ERBB4: variants seen among roughly 807,000 people sequenced by gnomAD.
ERBB4 encodes receptor tyrosine-protein kinase erbB-4.
A neutral mutation model predicts 158.0 loss-of-function variants in ERBB4; 42 were observed. The ratio of observed to expected loss-of-function variants is 0.27; its 90% CI spans 0.21 to 0.34. The LOEUF (loss-of-function observed/expected upper bound fraction) is 0.34, where lower values mean the gene tolerates loss of function less well. ERBB4 is among the 10% of genes least tolerant of loss of function. ERBB4 has a pLI of 1.00. For missense variants in ERBB4, 1,333 were observed against 1,624.1 expected (o/e 0.82, Z 3.08); for synonymous variants, 583 against 558.7 (o/e 1.04, Z -0.61).
chr2:212,370,692 C>T (rs2106382705), intron 1 of ERBB4, among the ~76,000 whole-genome samples: 2 of 152,210 alleles, frequency 1.3e-5, no homozygotes, highest in South Asian at 4.1e-4. Context: ...CCAAGTCTTA[C>T]TACTATTTTA....
intron 4 of ERBB4, among the ~76,000 whole-genome samples, chr2:211,751,830 A>C (rs1045830742): frequency 1.3e-5 from 2 of 152,198 alleles, no homozygotes; most frequent in African/African-American, 4.8e-5. Flanking sequence ...ATGCAGATTC[A>C]AAAGACACTT....
chr2:212,058,463 C>G (rs923042500), intron 2 of ERBB4, among the ~76,000 whole-genome samples: 2 of 152,072 alleles, frequency 1.3e-5, no homozygotes, highest in Non-Finnish European at 2.9e-5. Flanking sequence ...ATCCTGATAC[C>G]AAAGCCTGAT....
intron 2 of ERBB4, among the ~76,000 whole-genome samples, chr2:211,982,604 C>G (rs765919413): frequency 6.6e-6 from 1 of 152,088 alleles, no homozygotes; most frequent in Non-Finnish European, 1.5e-5. Context: ...AGACTTTGGA[C>G]AAAAGGAATA....
chr2:212,105,754 G>A (rs886338849), intron 2 of ERBB4, among the ~76,000 whole-genome samples: 7 of 152,124 alleles, frequency 4.6e-5, no homozygotes, highest in South Asian at 2.1e-4. Context: ...ATCTTGAATC[G>A]TAGCTCTCAC....
chr2:211,451,236 T>C (rs977708656), intron 20 of ERBB4, among the ~76,000 whole-genome samples: 2 of 152,166 alleles, frequency 1.3e-5, no homozygotes, highest in African/African-American at 4.8e-5. Context: ...TAGAATGGCA[T>C]TGTAAGAAGA....
chr2:212,509,261 A>G (rs1473018298), intron 1 of ERBB4, among the ~76,000 whole-genome samples: 1 of 152,088 alleles, frequency 6.6e-6, no homozygotes, highest in Non-Finnish European at 1.5e-5. Context: ...TGTGAGAGTA[A>G]ATGAGATTCG....
intron 1 of ERBB4, among the ~76,000 whole-genome samples, chr2:212,287,499 CAA>C (rs1195899555): frequency 6.6e-6 from 1 of 152,022 alleles, no homozygotes; most frequent in Admixed American, 6.6e-5. Context: ...GAATCTGCTC[CAA>C]AAGATTCTTG....
chr2:212,066,225 A>C (rs1374891055), intron 2 of ERBB4, among the ~76,000 whole-genome samples: 2 of 151,986 alleles, frequency 1.3e-5, no homozygotes, highest in Non-Finnish European at 2.9e-5. Context: ...ACTCCTCAAA[A>C]ATAATATAAA....
In ERBB4 at chr2:211,945,460, C is replaced by A. The variant is rs545704758; in HGVS notation, c.421+1970G>T. Among the ~76,000 whole-genome samples the A allele has an allele frequency of 1.1e-3, 170 of 152,006 alleles. 1 individual carries two copies. Among genetic ancestry groups the A allele is most frequent in the African/African-American group, 3.5e-3 (144 of 41,524 alleles). ...TGTTGCACTTTCTTCAATTCATACT[C>A]AAAAAAATTAATAACTTTTGAATGA... On this transcript the variant is annotated intron_variant, in intron 3 of 27. Coordinates refer to ENST00000342788, the MANE Select transcript of ERBB4 (RefSeq NM_005235.3).
chr2:211,912,394 A>C (rs2125057790), intron 3 of ERBB4, among the ~76,000 whole-genome samples: 1 of 152,018 alleles, frequency 6.6e-6, no homozygotes, highest in South Asian at 2.1e-4. Flanking sequence ...TCATCAAAAA[A>C]TTTAAGCATT....
intron 1 of ERBB4, among the ~76,000 whole-genome samples, chr2:212,480,638 A>G (rs1447832567): frequency 6.6e-6 from 1 of 152,198 alleles, no homozygotes; most frequent in Non-Finnish European, 1.5e-5. Flanking sequence ...GCTTGTGCCA[A>G]TAGCAGGGAG....
rs184498673 is a variant in ERBB4, at chr2:211,433,330, C to T, written c.2488-2230G>A. ...GGCGCGGTGGCTCACGCCTGTAATA[C>T]TGGCACTTTGGGAGGCCGAGGTGGG... On this transcript the variant is annotated intron_variant, in intron 20 of 27. Coordinates refer to ENST00000342788, the MANE Select transcript of ERBB4 (RefSeq NM_005235.3). Among the ~76,000 whole-genome samples, 112 of 152,234 alleles carry T rather than the reference C, an allele frequency of 7.4e-4. 2 individuals carry two copies. The highest frequency in any genetic ancestry group is 1.4e-3 in the Non-Finnish European group (92 of 68,002).
At chr2:211,602,335 A>G (rs573340195) in intron 19 of ERBB4, among the ~76,000 whole-genome samples, 69 of 152,106 alleles carry the variant, frequency 4.5e-4, no homozygotes, top group African/African-American at 1.6e-3. Context: ...GCAAGCCCTC[A>G]CACCATCTGC....
intron 20 of ERBB4, among the ~76,000 whole-genome samples, chr2:211,463,238 A>G (rs1488398112): frequency 6.6e-6 from 1 of 152,084 alleles, no homozygotes; most frequent in African/African-American, 2.4e-5. Context: ...CAAAAAGCGG[A>G]GCTATAGTTT....
intron 1 of ERBB4, among the ~76,000 whole-genome samples, chr2:212,241,978 G>GA (rs1274157486): frequency 8.0e-5 from 11 of 136,792 alleles, no homozygotes; most frequent in Non-Finnish European, 1.5e-4. Context: ...TTTGATGAAT[G>GA]AAAAAAAATT....
At chr2:211,785,329 C>T (rs1301006404) in intron 4 of ERBB4, among the ~76,000 whole-genome samples, 1 of 152,144 alleles carries the variant, frequency 6.6e-6, no homozygotes, top group Non-Finnish European at 1.5e-5. Context: ...TCTCGCTCTC[C>T]TGATCGCGTG....
intron 20 of ERBB4, among the ~76,000 whole-genome samples, chr2:211,557,954 A>G (rs888362218): frequency 6.6e-6 from 1 of 152,168 alleles, no homozygotes; most frequent in African/African-American, 2.4e-5. Flanking sequence ...GGACAAGATC[A>G]TATCCTTTGC....
chr2:211,438,120 T>C (rs1353662841), intron 20 of ERBB4, among the ~76,000 whole-genome samples: 1 of 152,182 alleles, frequency 6.6e-6, no homozygotes, highest in Non-Finnish European at 1.5e-5. Context: ...GTTTTGGACA[T>C]ATTGTTAACT....
At chr2:211,441,021 A>G (rs1343390915) in intron 20 of ERBB4, among the ~76,000 whole-genome samples, 1 of 152,150 alleles carries the variant, frequency 6.6e-6, no homozygotes. Flanking sequence ...AGCCACTTCC[A>G]AACTTCCTGA....
Sources: gnomAD v4.1 joint callset for allele counts (sites outside exome capture counted in the v4.1 genomes callset) on GRCh38, gnomAD v4.1.1 for gene constraint, MANE v1.5 for transcripts, NCBI Gene and HGNC (gene_info 2026-07-23, HGNC 2026-07-21) for gene names.